CDH4: variants seen among roughly 807,000 people sequenced by gnomAD.
CDH4 encodes the protein cadherin-4.
A neutral mutation model predicts 86.0 loss-of-function variants in CDH4; 33 were observed. That is an observed-to-expected ratio of 0.38 (90% CI 0.29 to 0.51). The LOEUF (loss-of-function observed/expected upper bound fraction) is 0.51. CDH4 is among the 20% of genes least tolerant of loss of function. The pLI, the probability that CDH4 is intolerant of heterozygous loss-of-function variation, is 0.86. For synonymous variants in CDH4, 555 were observed against 549.4 expected, an observed-to-expected ratio of 1.01 and a Z score of -0.14; for missense variants, 1,114 against 1,307.4, an observed-to-expected ratio of 0.85 and a Z score of 2.28.
chr20:61,824,152 T>C (rs556625603), intron 4 of CDH4, among the ~76,000 whole-genome samples: 1 of 152,246 alleles, frequency 6.6e-6, no homozygotes, highest in East Asian at 1.9e-4. Flanking sequence ...TCGTGCCCAC[T>C]TTCTATTGGA....
intron 2 of CDH4, among the ~76,000 whole-genome samples, chr20:61,337,905 T>G (rs2123277441): frequency 6.6e-6 from 1 of 152,192 alleles, no homozygotes; most frequent in Admixed American, 6.5e-5. Context: ...TGCCCTGGGG[T>G]TTTTAGTTTT....
At chr20:61,315,080 A>ACT (rs2084468916) in intron 2 of CDH4, among the ~76,000 whole-genome samples, 1 of 152,044 alleles carries the variant, frequency 6.6e-6, no homozygotes, top group African/African-American at 2.4e-5. Context: ...GAAAGCCTCC[A>ACT]CTCACAGCTG....
At chr20:61,484,848 C>T (rs1422894992) in intron 2 of CDH4, among the ~76,000 whole-genome samples, 2 of 152,220 alleles carry the variant, frequency 1.3e-5, no homozygotes, top group African/African-American at 4.8e-5. Context: ...CACAGCCCTC[C>T]TCAGGCTTAG....
At chr20:61,688,259 G>A (rs955456868) in intron 2 of CDH4, among the ~76,000 whole-genome samples, 1 of 151,968 alleles carries the variant, frequency 6.6e-6, no homozygotes, top group Non-Finnish European at 1.5e-5. Flanking sequence ...GCAAATAGCT[G>A]CCAGATCAAG....
Position 61,317,303 on chromosome 20 carries a change from C to T in CDH4, c.169+62366C>T, listed in dbSNP as rs139331711. 5.0e-3 allele frequency among the ~76,000 whole-genome samples: 767 copies of T among 152,274 alleles called. 11 individuals are homozygous for T. The highest frequency in any genetic ancestry group is 0.02 in the Middle Eastern group (6 of 294). ...TTGGCTCACTGCAAGCTCCGCCTCC[C>T]GGTTTCACGCCATTCTCCTGCCTCA... On this transcript the variant is annotated intron_variant, in intron 2 of 15. Coordinates refer to ENST00000614565, the MANE Select transcript of CDH4 (RefSeq NM_001794.5).
At chr20:61,309,938 G>T (rs1313787422) in intron 2 of CDH4, among the ~76,000 whole-genome samples, 2 of 152,208 alleles carry the variant, frequency 1.3e-5, no homozygotes, top group Non-Finnish European at 2.9e-5. Flanking sequence ...GGCCAGGTGT[G>T]GCAGAAGCTA....
chr20:61,860,133 G>A (rs1024511319), intron 6 of CDH4, among the ~76,000 whole-genome samples: 2 of 152,260 alleles, frequency 1.3e-5, no homozygotes, highest in Non-Finnish European at 2.9e-5. Flanking sequence ...ATCTGCAGCT[G>A]TAACTCCTTC....
intron 2 of CDH4, among the ~76,000 whole-genome samples, chr20:61,573,962 G>A (rs2086363874): frequency 6.6e-6 from 1 of 152,168 alleles, no homozygotes. Flanking sequence ...CTGGCTTGTA[G>A]CTGCTGCAGC....
At chr20:61,849,714 C>T (rs565889601) in intron 5 of CDH4, among the ~76,000 whole-genome samples, 16 of 152,196 alleles carry the variant, frequency 1.1e-4, no homozygotes, top group African/African-American at 2.2e-4. Flanking sequence ...TGCCTCGGCA[C>T]GTGTCTCCTC....
chr20:61,925,967 G>A (rs1027916738), intron 11 of CDH4, among the ~76,000 whole-genome samples: 95 of 152,322 alleles, frequency 6.2e-4, no homozygotes, highest in Non-Finnish European at 1.3e-3. Flanking sequence ...TGCAAGGGGC[G>A]CTGGGAAATG....
At chr20:61,888,049 AGAAAC>A in intron 7 of CDH4, among the ~76,000 whole-genome samples, 1 of 152,172 alleles carries the variant, frequency 6.6e-6, no homozygotes, top group African/African-American at 2.4e-5. Flanking sequence ...AAAGAACAAG[AGAAAC>A]TTGGGTGAGA....
intron 2 of CDH4, among the ~76,000 whole-genome samples, chr20:61,666,340 T>C (rs2087324017): frequency 6.6e-6 from 1 of 152,190 alleles, no homozygotes; most frequent in Non-Finnish European, 1.5e-5. Context: ...GAAAAGCTGC[T>C]AAGTGAACAC....
At chr20:61,256,128 G>A (rs1054598140) in intron 2 of CDH4, among the ~76,000 whole-genome samples, 3 of 152,266 alleles carry the variant, frequency 2.0e-5, no homozygotes, top group East Asian at 3.9e-4. Flanking sequence ...GAGTTAGAAC[G>A]GGTAGGCCAT....
intron 2 of CDH4, among the ~76,000 whole-genome samples, chr20:61,549,640 C>T (rs1178005226): frequency 1.3e-5 from 2 of 152,154 alleles, no homozygotes; most frequent in East Asian, 1.9e-4. Flanking sequence ...CGGGAAAGGA[C>T]GTCAAGCACG....
At chr20:61,722,192 G>T (rs979571606) in intron 2 of CDH4, among the ~76,000 whole-genome samples, 3 of 132,414 alleles carry the variant, frequency 2.3e-5, no homozygotes, top group African/African-American at 7.4e-5. Flanking sequence ...ACCTGCTTTG[G>T]GGTTTTTTTT....
At chr20:61,695,744 A>G (rs2087708659) in intron 2 of CDH4, among the ~76,000 whole-genome samples, 1 of 152,212 alleles carries the variant, frequency 6.6e-6, no homozygotes, top group African/African-American at 2.4e-5. Context: ...GAGCCCTGGC[A>G]TCTCATCTAG....
chr20:61,488,155 G>A (rs774332182), intron 2 of CDH4, among the ~76,000 whole-genome samples: 5 of 152,160 alleles, frequency 3.3e-5, no homozygotes, highest in African/African-American at 4.8e-5. Context: ...TAACATCGCC[G>A]AGGAAGGAAT....
intron 2 of CDH4, among the ~76,000 whole-genome samples, chr20:61,523,616 G>GAAAACAGGC (rs1879225951): frequency 1.3e-5 from 2 of 152,216 alleles, no homozygotes; most frequent in South Asian, 4.1e-4. Context: ...GCATGCAACA[G>GAAAACAGGC]AAAACAGGCC....
intron 2 of CDH4, among the ~76,000 whole-genome samples, chr20:61,285,749 A>G (rs2084289820): frequency 6.6e-6 from 1 of 152,254 alleles, no homozygotes; most frequent in South Asian, 2.1e-4. Flanking sequence ...AAGGAAATGA[A>G]AGGATTACTC....
Sources: allele counts gnomAD v4.1 joint callset (sites outside exome capture counted in the v4.1 genomes callset), GRCh38; gene constraint gnomAD v4.1.1; transcripts MANE v1.5; gene names NCBI Gene and HGNC (gene_info 2026-07-23, HGNC 2026-07-21).